FAAH2: variants seen among roughly 807,000 people sequenced by gnomAD.
FAAH2 encodes fatty acid amide hydrolase 2.
A neutral mutation model predicts 36.9 loss-of-function variants in FAAH2; 60 were observed. The ratio of observed to expected loss-of-function variants is 1.63; its 90% CI spans 1.32 to 2.02. The LOEUF is 2.02. FAAH2 is among the 30% of genes most tolerant of loss of function. FAAH2 has a pLI of 0.00. For missense variants in FAAH2, 689 were observed against 397.5 expected (o/e 1.73, Z -6.23); for synonymous variants, 214 against 143.8 (o/e 1.49, Z -3.49).
At chrX:57,361,495 T>C (rs936377471) in intron 5 of FAAH2, among the ~76,000 whole-genome samples, 7 of 111,354 alleles carry the variant, frequency 6.3e-5, no homozygotes, top group Non-Finnish European at 1.3e-4. Context: ...TCCATTTTAT[T>C]TTTCTGTCAA....
chrX:57,269,665 T>A, the FAAH2 span, among the ~76,000 whole-genome samples: 1 of 111,854 alleles, frequency 8.9e-6, no homozygotes, highest in Non-Finnish European at 1.9e-5. Flanking sequence ...ATCAGTAAGT[T>A]ATTTGAAACT....
intron 5 of FAAH2, among the ~76,000 whole-genome samples, chrX:57,347,889 T>A (rs950438269): frequency 9.1e-6 from 1 of 110,160 alleles, no homozygotes; most frequent in African/African-American, 3.3e-5. Context: ...GTAAATGGCA[T>A]ATAATGGTAA....
intron 7 of FAAH2, among the ~76,000 whole-genome samples, chrX:57,424,147 G>A (rs749860487): frequency 6.3e-5 from 7 of 111,859 alleles, no homozygotes; most frequent in Non-Finnish European, 1.3e-4. Context: ...GGCTATTTAT[G>A]ACTAAGAAAA....
chrX:57,339,198 A>C (rs2053628371), intron 4 of FAAH2, among the ~76,000 whole-genome samples: 2 of 112,369 alleles, frequency 1.8e-5, no homozygotes, highest in Admixed American at 9.4e-5. Flanking sequence ...TGCTGGGAGA[A>C]CTAGCTAGAC....
chrX:57,160,050 A>G, the FAAH2 span, among the ~76,000 whole-genome samples: 1 of 111,957 alleles, frequency 8.9e-6, no homozygotes, highest in African/African-American at 3.2e-5. Flanking sequence ...AGCATGAAGC[A>G]TTGCTGAATT....
intron 3 of FAAH2, among the ~76,000 whole-genome samples, chrX:57,320,962 C>A (rs2053002896): frequency 9.1e-6 from 1 of 110,129 alleles, no homozygotes; most frequent in Non-Finnish European, 1.9e-5. Flanking sequence ...CATGGTAAAA[C>A]CCCCGTCTCT....
At position 57,316,697 on chromosome X, in the gene FAAH2, A is replaced by T. The variant is rs1187913327; in HGVS notation, c.412+5968A>T. ...TACAGAAGACTGAATCTACACTCTT[A>T]TCTTTCACCATAGGCAAAAACTAAC... On this transcript the variant is annotated intron_variant, in intron 3 of 10. Coordinates refer to ENST00000374900, the MANE Select transcript of FAAH2 (RefSeq NM_174912.4). Among the ~76,000 whole-genome samples the T allele has an allele frequency of 2.7e-5, 3 of 111,636 alleles. No individual in the cohort carries two copies. The East Asian group carries it at 8.4e-4, about 31-fold the overall frequency.
intron 7 of FAAH2, among the ~76,000 whole-genome samples, chrX:57,391,704 C>T (rs903110712): frequency 3.6e-5 from 4 of 111,165 alleles, no homozygotes; most frequent in Admixed American, 9.6e-5. Context: ...TTTACCATTA[C>T]CATACAGTCT....
intron 10 of FAAH2, among the ~76,000 whole-genome samples, chrX:57,455,781 G>T (rs1012909191): frequency 2.6e-4 from 29 of 112,138 alleles, no homozygotes; most frequent in African/African-American, 9.1e-4. Flanking sequence ...CACACCCAAT[G>T]TAGAAGTACC....
chrX:57,286,833 C>T lies in FAAH2; in HGVS notation c.8C>T (p.Pro3Leu), dbSNP rs1007064346. 3 of 1,182,308 alleles carry T rather than the reference C, an allele frequency of 2.5e-6. No homozygotes were observed. The highest frequency in any genetic ancestry group is 4.6e-5 in the Admixed American group (2 of 43,459). MA[P>L]SFTARIQLFL... The stretch of plus-strand genomic sequence containing the variant: ...TGCGGAATCCAGGCTGCGATGGCAC[C>T]TTCATTTACCGCCCGCATTCAGTTG... The change falls in exon 1 of 11, where the codon CCT becomes CTT. Residue 3 changes from proline (P) to leucine (L), a missense_variant. Transcript: ENST00000374900.
chrX:57,197,903 T>C, the FAAH2 span, among the ~76,000 whole-genome samples: 1 of 112,325 alleles, frequency 8.9e-6, no homozygotes, highest in African/African-American at 3.2e-5. Flanking sequence ...GACCTCTGGT[T>C]AGCCAGGATG....
chrX:57,370,128 T>TA (rs1332158465), intron 5 of FAAH2, among the ~76,000 whole-genome samples: 1 of 110,452 alleles, frequency 9.1e-6, no homozygotes, highest in Non-Finnish European at 1.9e-5. Flanking sequence ...ATGACAAACG[T>TA]AAAAAAATGA....
At chrX:57,122,881 CAT>C in the FAAH2 span, among the ~76,000 whole-genome samples, 1 of 111,871 alleles carries the variant, frequency 8.9e-6, no homozygotes, top group Non-Finnish European at 1.9e-5. Flanking sequence ...TACTTAATGT[CAT>C]TGATCATGAA....
chrX:57,322,518 C>T (rs1292410421), intron 3 of FAAH2, among the ~76,000 whole-genome samples: 1 of 111,316 alleles, frequency 9.0e-6, no homozygotes, highest in Admixed American at 9.6e-5. Flanking sequence ...GGGTTCTAAG[C>T]ATTTTCTGAA....
the FAAH2 span, among the ~76,000 whole-genome samples, chrX:57,269,793 A>T: frequency 9.0e-6 from 1 of 111,615 alleles, no homozygotes; most frequent in Non-Finnish European, 1.9e-5. Context: ...TCAAGTTAAC[A>T]ACCTAACTTC....
chrX:57,328,310 G>T (rs2053284504), intron 3 of FAAH2, among the ~76,000 whole-genome samples: 2 of 112,001 alleles, frequency 1.8e-5, no homozygotes, highest in African/African-American at 3.2e-5. Context: ...GAGGCAGTCT[G>T]TCCATTCTCA....
rs182253413 is a variant in FAAH2 at position 57,328,100 on chromosome X, T to C, written c.413-3498T>C. 2.9e-4 allele frequency among the ~76,000 whole-genome samples: 32 copies of C among 111,972 alleles called. 1 individual carries two copies. The highest frequency in any genetic ancestry group is 9.5e-4 in the Admixed American group (10 of 10,551). ...CAGGTCTGTTGGAGTTTGCTGGAGG[T>C]CCCCTGCAGACCCTGTTTGCCTGGG... On this transcript the variant is annotated intron_variant, in intron 3 of 10. Transcript: ENST00000374900.
At chrX:57,289,081 T>C (rs1375360018) in intron 1 of FAAH2, among the ~76,000 whole-genome samples, 1 of 112,223 alleles carries the variant, frequency 8.9e-6, no homozygotes, top group Admixed American at 9.4e-5. Flanking sequence ...TTTTTGTAAA[T>C]TGAATCTTCA....
the FAAH2 span, chrX:57,135,173 C>T: frequency 8.7e-6 from 1 of 115,586 alleles, no homozygotes; most frequent in Non-Finnish European, 1.8e-5. Context: ...CCCTAACCCA[C>T]ATAGCCTCTT....
Sources: gnomAD v4.1 joint callset for allele counts (sites outside exome capture counted in the v4.1 genomes callset) on GRCh38, gnomAD v4.1.1 for gene constraint, MANE v1.5 for transcripts, NCBI Gene and HGNC (gene_info 2026-07-23, HGNC 2026-07-21) for gene names.